GBA2: variants seen among roughly 807,000 people sequenced by gnomAD.
GBA2 encodes glucosylceramidase beta 2, also known as non-lysosomal glucosylceramidase.
GBA2 carries 79 observed loss-of-function variants against 112.9 expected under a neutral mutation model. The ratio of observed to expected loss-of-function variants is 0.70; its 90% CI spans 0.58 to 0.84. The LOEUF (loss-of-function observed/expected upper bound fraction) is 0.84, where lower values mean the gene tolerates loss of function less well. GBA2 is among the 40% of genes least tolerant of loss of function. The pLI is 0.00. For synonymous variants in GBA2, 403 were observed against 434.3 expected, an observed-to-expected ratio of 0.93 and a Z score of 0.90; for missense variants, 1,043 against 1,190.0, an observed-to-expected ratio of 0.88 and a Z score of 1.82.
At position 35,737,527 on chromosome 9, in the gene GBA2, A is replaced by T; in HGVS notation, c.2506-80T>A. 1 of 1,566,462 alleles carries T rather than the reference A, an allele frequency of 6.4e-7. No individual in the cohort carries two copies. Among genetic ancestry groups the T allele is most frequent in the Non-Finnish European group, 8.7e-7 (1 of 1,154,210 alleles). On this transcript the variant is annotated intron_variant, in intron 16 of 16. Transcript: ENST00000378103. This position sits in a 1 kb window ranked among gnomAD's most constrained non-coding sequence, Gnocchi z 4.1. The stretch of plus-strand genomic sequence containing the variant: ...CTTCCACTGGATAGATGGAGGCAGT[A>T]GAGTCTTTGCCTTCAAGGAGCTCCC...
At chr9:35,739,213 T>C in intron 10 of GBA2, 102 bp downstream of exon 10, 2 of 1,026,448 alleles carry the variant, frequency 1.9e-6, no homozygotes, top group Non-Finnish European at 3.1e-6. Context: ...AGCATGCAGA[T>C]ACGTATGAAG....
rs1203405672 is a variant in GBA2, at chr9:35,738,489, C to T, written c.2054+37G>A. ...CCTACAATCCCTTGTTGCCCAGTTTCTCACCTCAGGCCTCCTGGAAACCCC... is the reference window on the plus strand; with the variant it reads ...CCTACAATCCCTTGTTGCCCAGTTTTTCACCTCAGGCCTCCTGGAAACCCC... On this transcript the variant is annotated intron_variant, in intron 13 of 16. Transcript: ENST00000378103. The T allele has an allele frequency of 4.4e-6, 7 of 1,588,698 alleles. No individual in the cohort carries two copies. In the African/African-American group the frequency reaches 6.7e-5, roughly 15 times the overall value.
At position 35,740,455 on chromosome 9, in the gene GBA2, G is replaced by A. The variant is rs1826588656; in HGVS notation, c.1129+71C>T. 2.5e-6 allele frequency: 4 copies of A among 1,568,672 alleles called. No individual in the cohort carries two copies. The highest frequency in any genetic ancestry group is 3.5e-6 in the Non-Finnish European group (4 of 1,143,244). On this transcript the variant is annotated intron_variant, in intron 6 of 16. Transcript: ENST00000378103. This position sits in a 1 kb window ranked among gnomAD's most constrained non-coding sequence, Gnocchi z 4.7. ...GGAAACAAGGCCTACTTATTACCAG[G>A]CCTCCCACCCCTGGTCCCAAGACAG...
Position 35,737,322 on chromosome 9 carries a change from G to T in GBA2, c.2631C>A (p.Tyr877Ter). 2 of 1,614,056 alleles carry T rather than the reference G, an allele frequency of 1.2e-6. No homozygotes were observed. Among genetic ancestry groups the T allele is most frequent in the Non-Finnish European group, 1.7e-6 (2 of 1,179,966 alleles). The change falls in exon 17 of 17, where the codon TAC (tyrosine) becomes TAA (stop). Residue 877 changes from tyrosine (Y) to a stop codon, truncating the protein, a stop_gained. Transcript: ENST00000378103. LOFTEE classifies it high-confidence loss of function. The surrounding 1 kb of genome is among the most constrained non-coding windows in gnomAD (Gnocchi z 4.1). ...TGGCCCATATGCTCAGTGGCCGCAT[G>T]TAGGCCAGTGAGCGGAACACTCGCT... ...CQQRVFRSLA[Y>*]MRPLSIWAMQ... is the part of the protein sequence containing the mutation.
rs1195897756 is a variant in GBA2, at chr9:35,741,631, G to A, written c.786+41C>T. The stretch of plus-strand genomic sequence containing the variant: ...AGTTTCTAGCAGAGGCAGGTCCTGG[G>A]GAAGGGAGGGCAATGGAAGATACAG... On this transcript the variant is annotated intron_variant, in intron 4 of 16. Transcript: ENST00000378103. The surrounding 1 kb of genome is among the most constrained non-coding windows in gnomAD (Gnocchi z 4.6). The A allele has an allele frequency of 7.6e-7, 1 of 1,312,092 alleles. No individual in the cohort carries two copies. Among genetic ancestry groups the A allele is most frequent in the South Asian group, 1.2e-5 (1 of 84,920 alleles). 81.3% of individuals were successfully genotyped at this position (1,312,092 alleles called of 1,614,324 possible).
chr9:35,744,232 C>G (rs1342338542), intron 3 of GBA2, 65 bp downstream of exon 3: 1 of 877,894 alleles, frequency 1.1e-6, no homozygotes, highest in Non-Finnish European at 1.9e-6. Context: ...CTACACTAGC[C>G]AAGAGGTCCT....
Position 35,737,888 on chromosome 9 carries a change from T to C in GBA2, c.2365A>G (p.Asn789Asp). 1 of 1,613,622 alleles carries C rather than the reference T, an allele frequency of 6.2e-7. No individual in the cohort carries two copies. The highest frequency in any genetic ancestry group is 1.1e-5 in the South Asian group (1 of 91,076). Residue 789 changes from asparagine (N) to aspartate (D), a missense_variant, in exon 16 of 17, where the codon AAC becomes GAC. Transcript: ENST00000378103. The surrounding 1 kb of genome is among the most constrained non-coding windows in gnomAD (Gnocchi z 4.1). Reference sequence around the variant, plus strand: ...GCCCCTCCTGCAAAGGCCTGGACGTTCAGCTCAAAGATAGTTTGGAGAGCA... The same window carrying C: ...GCCCCTCCTGCAAAGGCCTGGACGTCCAGCTCAAAGATAGTTTGGAGAGCA... ...VRALQTIFEL[N>D]VQAFAGGAMG...
rs748543744 is a variant in GBA2 at position 35,741,388 on chromosome 9, G to A, written c.786+284C>T. 2.2e-5 allele frequency: 11 copies of A among 506,950 alleles called. No individual in the cohort carries two copies. Among genetic ancestry groups the A allele is most frequent in the African/African-American group, 5.8e-5 (3 of 51,806 alleles). The allele number at this position is 506,950 out of a possible 1,614,324, so 31.4% of individuals were successfully genotyped here. On this transcript the variant is annotated intron_variant, in intron 4 of 16. Coordinates refer to ENST00000378103, the MANE Select transcript of GBA2 (RefSeq NM_020944.3). This position sits in a 1 kb window ranked among gnomAD's most constrained non-coding sequence, Gnocchi z 4.6. ...CGGCTCACTGCAAGCTCCGCCTCCCGGGTTCACACCATTATCCTGCCTCAG... is the reference window on the plus strand; with the variant it reads ...CGGCTCACTGCAAGCTCCGCCTCCCAGGTTCACACCATTATCCTGCCTCAG...
rs572154580 is a variant in GBA2 at position 35,744,240 on chromosome 9, C to T, written c.567+57G>A. On this transcript the variant is annotated intron_variant, in intron 3 of 16. Coordinates refer to ENST00000378103, the MANE Select transcript of GBA2 (RefSeq NM_020944.3). ...CTACCTTCTACACTAGCCAAGAGGTCCTTCCTTCTTGGCCTGGGGAGGTAT... is the reference window on the plus strand; with the variant it reads ...CTACCTTCTACACTAGCCAAGAGGTTCTTCCTTCTTGGCCTGGGGAGGTAT... The T allele has an allele frequency of 3.9e-4, 367 of 930,262 alleles. 4 individuals carry two copies. Among genetic ancestry groups the T allele is most frequent in the South Asian group, 2.5e-3 (186 of 75,784 alleles). The allele number at this position is 930,262 out of a possible 1,614,324, so 57.6% of individuals were successfully genotyped here. A position where few individuals can be genotyped will look rare whatever the true frequency, so the allele number is the denominator to read the frequency against.
chr9:35,738,606 A>C lies in GBA2; in HGVS notation c.1974T>G (p.Phe658Leu). The C allele has an allele frequency of 6.2e-7, 1 of 1,613,882 alleles. No homozygotes were observed. Among genetic ancestry groups the C allele is most frequent in the East Asian group, 2.2e-5 (1 of 44,882 alleles). ...CLAVMESEMK[F>L]DKDHDGLIEN... is the part of the protein sequence containing the mutation. ...CAATGAGTCCATCATGGTCCTTGTC[A>C]AACTTCATTTCAGATTCCATCACAG... The change falls in exon 13 of 17, where the codon TTT becomes TTG. Residue 658 changes from phenylalanine (F) to leucine (L), a missense_variant. Physicochemically the swap from Phe to Leu is conservative, Grantham distance 22. Coordinates refer to ENST00000378103, the MANE Select transcript of GBA2 (RefSeq NM_020944.3).
At position 35,740,839 on chromosome 9, in the gene GBA2, C is replaced by T; in HGVS notation, c.1012G>A (p.Ala338Thr). 2.5e-6 allele frequency: 4 copies of T among 1,614,102 alleles called. No homozygotes were observed. Among genetic ancestry groups the T allele is most frequent in the South Asian group, 1.1e-5 (1 of 91,078 alleles). The change falls in exon 5 of 17, where the codon GCT becomes ACT. Residue 338 changes from alanine (A) to threonine (T), a missense_variant. By Grantham distance (58) the Ala-to-Thr change is moderately conservative. Coordinates refer to ENST00000378103, the MANE Select transcript of GBA2 (RefSeq NM_020944.3). This position sits in a 1 kb window ranked among gnomAD's most constrained non-coding sequence, Gnocchi z 4.7. ...TLPNPYTMAV[A>T]ARVTAATTVT... Reference sequence around the variant, plus strand: ...TCTTTCCTTACCGTGACTCGTGCAGCCACAGCCATCGTGTAGGGGTTTGGA... The same window carrying T: ...TCTTTCCTTACCGTGACTCGTGCAGTCACAGCCATCGTGTAGGGGTTTGGA...
intron 3 of GBA2, 123 bp downstream of exon 3, chr9:35,744,174 C>T (rs376091696): frequency 1.2e-5 from 8 of 677,926 alleles, no homozygotes; most frequent in East Asian, 5.4e-5. Flanking sequence ...GGAAGCATCC[C>T]GAGAGTACTT....
chr9:35,740,994 G>C lies in GBA2; in HGVS notation c.857C>G (p.Ser286Cys). Residue 286 changes from serine to cysteine, a missense_variant, in exon 5 of 17, where the codon TCC (serine) becomes TGC (cysteine). Ser to Cys is a moderately radical substitution (Grantham distance 112). Coordinates refer to ENST00000378103, the MANE Select transcript of GBA2 (RefSeq NM_020944.3). This position sits in a 1 kb window ranked among gnomAD's most constrained non-coding sequence, Gnocchi z 4.7. Reference sequence around the variant, plus strand: ...TCCATTCCGCATGGAGAACATGATGGACACATCTAGAGCTTCGTCCCCTTC... The same window carrying C: ...TCCATTCCGCATGGAGAACATGATGCACACATCTAGAGCTTCGTCCCCTTC... The part of the protein sequence containing the change: ...ENEGDEALDV[S>C]IMFSMRNGLG... 6.2e-7 allele frequency: 1 copy of C among 1,614,042 alleles called. No individual in the cohort carries two copies. Among genetic ancestry groups the C allele is most frequent in the Non-Finnish European group, 8.5e-7 (1 of 1,179,894 alleles).
In GBA2 at chr9:35,737,342, C is replaced by T; in HGVS notation, c.2611G>A (p.Val871Met). 1 of 1,614,194 alleles carries T rather than the reference C, an allele frequency of 6.2e-7. No homozygotes were observed. The highest frequency in any genetic ancestry group is 8.5e-7 in the Non-Finnish European group (1 of 1,180,044). The change falls in exon 17 of 17, where the codon GTG (valine) becomes ATG (methionine). Residue 871 changes from valine to methionine, a missense_variant. Physicochemically the swap from Val to Met is conservative, Grantham distance 21. Coordinates refer to ENST00000378103, the MANE Select transcript of GBA2 (RefSeq NM_020944.3). This position sits in a 1 kb window ranked among gnomAD's most constrained non-coding sequence, Gnocchi z 4.1. ...QTPEAYCQQR[V>M]FRSLAYMRPL... ...CGCATGTAGGCCAGTGAGCGGAACA[C>T]TCGCTGCTGGCAGTATGCCTCTGGG...
At chr9:35,739,528 C>T in intron 9 of GBA2, 100 bp downstream of exon 9, 1 of 1,310,384 alleles carries the variant, frequency 7.6e-7, no homozygotes, top group Non-Finnish European at 1.1e-6. Flanking sequence ...CTAGTCCACA[C>T]CCAACACCCC....
rs1244630057 is a variant in GBA2 at position 35,741,458 on chromosome 9, C to T, written c.786+214G>A. 1.8e-6 allele frequency: 1 copy of T among 567,494 alleles called. No homozygotes were observed. Among genetic ancestry groups the T allele is most frequent in the Non-Finnish European group, 3.2e-6 (1 of 317,154 alleles). 35.2% of individuals were successfully genotyped at this position (567,494 alleles called of 1,614,324 possible). On this transcript the variant is annotated intron_variant, in intron 4 of 16. Coordinates refer to ENST00000378103, the MANE Select transcript of GBA2 (RefSeq NM_020944.3). This position sits in a 1 kb window ranked among gnomAD's most constrained non-coding sequence, Gnocchi z 4.6. Reference sequence around the variant, plus strand: ...TACAGGTGCCTGCCACAACGCCCAGCTAATTTTTTTTTTTGTATTTTTAGT... The same window carrying T: ...TACAGGTGCCTGCCACAACGCCCAGTTAATTTTTTTTTTTGTATTTTTAGT...
intron 3 of GBA2, 55 bp downstream of exon 3, chr9:35,744,242 T>G: frequency 1.0e-6 from 1 of 966,680 alleles, no homozygotes; most frequent in South Asian, 1.3e-5. Flanking sequence ...CAAGAGGTCC[T>G]TCCTTCTTGG....
At position 35,748,672 on chromosome 9, in the gene GBA2, G is replaced by A. The variant is rs34312177; in HGVS notation, c.33C>T (p.Thr11=). ...TTATCTGCTCCGAGGCTGGGACGCC[G>A]GTTCCCATGTTCCCTGGATCCTGGG... MGTQDPGNMG[T]GVPASEQISC... is the part of the protein sequence containing the mutation. Residue 11 remains threonine (T), a synonymous_variant, in exon 1 of 17, where the codon ACC becomes ACT. Coordinates refer to ENST00000378103, the MANE Select transcript of GBA2 (RefSeq NM_020944.3). 0.047 allele frequency: 74,888 copies of A among 1,586,674 alleles called. 2,380 individuals carry two copies. The highest frequency in any genetic ancestry group is 0.14 in the African/African-American group (10,275 of 74,106).
At position 35,739,646 on chromosome 9, in the gene GBA2, G is replaced by C; in HGVS notation, c.1564C>G (p.Arg522Gly). 1 of 1,613,896 alleles carries C rather than the reference G, an allele frequency of 6.2e-7. No individual in the cohort carries two copies. The highest frequency in any genetic ancestry group is 8.5e-7 in the Non-Finnish European group (1 of 1,179,912). Residue 522 changes from arginine to glycine, a missense_variant, in exon 9 of 17, where the codon CGA (arginine) becomes GGA (glycine). Physicochemically the swap from Arg to Gly is moderately radical, Grantham distance 125. Transcript: ENST00000378103. ...CCTGTACCCTCAAGGTAGCCAAATC[G>C]ACCGTAGTCCCGTAGGGTGGGGCGG... ...HLRPTLRDYGRFGYLEGQEYR... is the reference protein window; with the variant it reads ...HLRPTLRDYGGFGYLEGQEYR...
Sources: gnomAD v4.1 joint callset for allele counts on GRCh38, gnomAD v4.1.1 for gene constraint, Gnocchi (gnomAD v3.1) non-coding constraint, MANE v1.5 for transcripts, NCBI Gene and HGNC (gene_info 2026-07-23, HGNC 2026-07-21) for gene names.